The following KIAA1217 variants were observed in gnomAD, a reference collection of about 807,000 sequenced individuals.
The protein encoded by KIAA1217 is KIAA1217, also known as sickle tail protein homolog.
KIAA1217 carries 88 observed loss-of-function variants against 163.9 expected under a neutral mutation model. The ratio of observed to expected loss-of-function variants is 0.54; its 90% CI spans 0.45 to 0.64. The LOEUF is 0.64. Ranked by LOEUF, KIAA1217 falls within the 30% of genes least tolerant of loss-of-function variation. The pLI, the probability that KIAA1217 is intolerant of heterozygous loss-of-function variation, is 0.00. For synonymous variants in KIAA1217, 903 were observed against 923.1 expected, an observed-to-expected ratio of 0.98 and a Z score of 0.39; for missense variants, 2,372 against 2,475.0, an observed-to-expected ratio of 0.96 and a Z score of 0.88.
intron 2 of KIAA1217, among the ~76,000 whole-genome samples, chr10:24,066,790 T>C (rs919046004): frequency 2.6e-5 from 4 of 152,224 alleles, no homozygotes; most frequent in East Asian, 1.9e-4. Context: ...CAATTAGACG[T>C]AGATTTCGTC....
chr10:24,146,668 G>A (rs2064329377), intron 2 of KIAA1217, among the ~76,000 whole-genome samples: 1 of 151,864 alleles, frequency 6.6e-6, no homozygotes. Flanking sequence ...AAATGACACA[G>A]AGAGACCCTG....
rs372012492 is a variant in KIAA1217 at position 24,402,516 on chromosome 10, C to CAAAAAAAAAAAAAA, written c.553+21455_553+21456insAAAAAAAAAAAAAA. Among the ~76,000 whole-genome samples the CAAAAAAAAAAAAAA allele has an allele frequency of 2.9e-4, 27 of 92,922 alleles. 1 individual carries two copies. The highest frequency in any genetic ancestry group is 7.2e-4 in the East Asian group (2 of 2,790). 61.0% of individuals were successfully genotyped at this position (92,922 alleles called of 152,430 possible). On this transcript the variant is annotated intron_variant, in intron 3 of 20. Transcript: ENST00000376454. ...AAGGCAAGACTCCCTCTCAAAAAAA[C>CAAAAAAAAAAAAAA]AAAAAACAAAACAAAAAAAAAAAAA...
chr10:24,528,153 G>T (rs759246010), intron 14 of KIAA1217, 34 bp downstream of exon 14: 6 of 1,600,954 alleles, frequency 3.7e-6, no homozygotes, highest in Non-Finnish European at 5.1e-6. Context: ...AATATATGGA[G>T]GTACATGGCT....
At chr10:23,865,097 T>C (rs1016602328) in intron 1 of KIAA1217, among the ~76,000 whole-genome samples, 4 of 152,184 alleles carry the variant, frequency 2.6e-5, no homozygotes, top group Non-Finnish European at 5.9e-5. Context: ...ACCCATAAAA[T>C]TACCACCACA....
At chr10:24,079,211 T>C (rs1192585867) in intron 2 of KIAA1217, among the ~76,000 whole-genome samples, 1 of 152,154 alleles carries the variant, frequency 6.6e-6, no homozygotes, top group African/African-American at 2.4e-5. Flanking sequence ...GAAAGATGAA[T>C]GAGCAAAGAA....
At chr10:24,090,731 C>T (rs1237895547) in intron 2 of KIAA1217, among the ~76,000 whole-genome samples, 1 of 151,822 alleles carries the variant, frequency 6.6e-6, no homozygotes, top group Non-Finnish European at 1.5e-5. Context: ...TTCACAATCG[C>T]AGAGCTGCTT....
intron 2 of KIAA1217, among the ~76,000 whole-genome samples, chr10:24,285,961 G>A (rs1280041849): frequency 6.6e-6 from 1 of 152,092 alleles, no homozygotes; most frequent in African/African-American, 2.4e-5. Flanking sequence ...ATTATCGTGT[G>A]TGTGTGTGGC....
chr10:24,472,209 T>C (rs957041110), intron 5 of KIAA1217, among the ~76,000 whole-genome samples: 5 of 152,206 alleles, frequency 3.3e-5, no homozygotes, highest in African/African-American at 1.2e-4. Context: ...TTGGCCTTGC[T>C]CTCTCAGGAG....
At chr10:24,098,373 T>C (rs1288073640) in intron 2 of KIAA1217, among the ~76,000 whole-genome samples, 1 of 152,024 alleles carries the variant, frequency 6.6e-6, no homozygotes, top group Non-Finnish European at 1.5e-5. Context: ...AAGCAGAGTG[T>C]CTGAAATATG....
chr10:24,538,994 A>G lies in KIAA1217; in HGVS notation c.3534+2101A>G, dbSNP rs2074569888. Among the ~76,000 whole-genome samples the G allele has an allele frequency of 1.3e-5, 2 of 151,906 alleles. 1 individual carries two copies. Among genetic ancestry groups the G allele is most frequent in the South Asian group, 4.2e-4 (2 of 4,806 alleles). ...TGATCCACCCGCCTCAGCCTCTCAA[A>G]ATGCTGGGATTACAGGCGTGAGCCA... On this transcript the variant is annotated intron_variant, in intron 17 of 20. Coordinates refer to ENST00000376454, the MANE Select transcript of KIAA1217 (RefSeq NM_019590.5).
At chr10:23,762,751 T>A (rs1280665012) in intron 1 of KIAA1217, among the ~76,000 whole-genome samples, 1 of 152,088 alleles carries the variant, frequency 6.6e-6, no homozygotes, top group African/African-American at 2.4e-5. Context: ...CAACATACTA[T>A]TGGAATTTCT....
At chr10:24,096,677 A>G (rs968808572) in intron 2 of KIAA1217, among the ~76,000 whole-genome samples, 3 of 151,888 alleles carry the variant, frequency 2.0e-5, no homozygotes, top group African/African-American at 7.3e-5. Context: ...GGCCCTTTGC[A>G]TGTGCTGTGT....
chr10:24,067,127 C>A (rs1011801590), intron 2 of KIAA1217, among the ~76,000 whole-genome samples: 1 of 152,154 alleles, frequency 6.6e-6, no homozygotes, highest in African/African-American at 2.4e-5. Context: ...TCTTCTGAAG[C>A]CTTCCTCTCT....
chr10:23,750,225 C>T (rs1277525563), intron 1 of KIAA1217, among the ~76,000 whole-genome samples: 1 of 152,178 alleles, frequency 6.6e-6, no homozygotes, highest in African/African-American at 2.4e-5. Context: ...CATTCTTCTG[C>T]TTAATGCCCT....
chr10:23,988,588 G>A (rs142007556), intron 1 of KIAA1217, among the ~76,000 whole-genome samples: 1 of 152,240 alleles, frequency 6.6e-6, no homozygotes, highest in Non-Finnish European at 1.5e-5. Context: ...TATGCAAAAT[G>A]CATACAAACC....
chr10:23,976,848 T>C (rs1007160203), intron 1 of KIAA1217, among the ~76,000 whole-genome samples: 7 of 152,216 alleles, frequency 4.6e-5, no homozygotes, highest in African/African-American at 1.7e-4. Context: ...CTTGATGCTT[T>C]AAGATGAAAT....
chr10:23,806,651 T>C (rs1188526687), intron 1 of KIAA1217, among the ~76,000 whole-genome samples: 1 of 152,250 alleles, frequency 6.6e-6, no homozygotes, highest in Non-Finnish European at 1.5e-5. Flanking sequence ...GGAATAATGA[T>C]TTTTTGCTAG....
At chr10:24,494,022 T>G (rs2066468974) in intron 6 of KIAA1217, among the ~76,000 whole-genome samples, 1 of 152,190 alleles carries the variant, frequency 6.6e-6, no homozygotes, top group Non-Finnish European at 1.5e-5. Context: ...CCCTAAGCTG[T>G]GACACAAGTG....
intron 1 of KIAA1217, among the ~76,000 whole-genome samples, chr10:23,966,332 C>T (rs915715693): frequency 3.3e-5 from 5 of 152,048 alleles, no homozygotes; most frequent in Admixed American, 6.6e-5. Flanking sequence ...AAAAAATGGG[C>T]GTGGGGGTAA....
Sources: allele counts gnomAD v4.1 joint callset (sites outside exome capture counted in the v4.1 genomes callset), GRCh38; gene constraint gnomAD v4.1.1; transcripts MANE v1.5; gene names NCBI Gene and HGNC (gene_info 2026-07-23, HGNC 2026-07-21).